MBNL3: variants seen among roughly 807,000 people sequenced by gnomAD.
MBNL3 encodes the protein muscleblind like splicing regulator 3.
In MBNL3, 6 loss-of-function variants were observed where a neutral mutation model predicts 24.5. The observed-to-expected ratio is 0.25, with a 90% CI of 0.13 to 0.48. The LOEUF (loss-of-function observed/expected upper bound fraction) is 0.48. MBNL3 is among the 20% of genes least tolerant of loss of function. The pLI is 0.99. For missense variants in MBNL3, 230 were observed against 293.5 expected, an observed-to-expected ratio of 0.78 and a Z score of 1.58; for synonymous variants, 100 against 101.7, an observed-to-expected ratio of 0.98 and a Z score of 0.10.
chrX:132,398,524 C>A (rs1297588884), intron 3 of MBNL3, among the ~76,000 whole-genome samples: 1 of 111,928 alleles, frequency 8.9e-6, no homozygotes, highest in Non-Finnish European at 1.9e-5. Flanking sequence ...TCATGAGCAT[C>A]TGTTTGTCTC....
intron 1 of MBNL3, among the ~76,000 whole-genome samples, chrX:132,484,937 A>G (rs1184414581): frequency 8.2e-5 from 9 of 109,270 alleles, no homozygotes; most frequent in Admixed American, 2.0e-4. Context: ...ACACGCGCAC[A>G]CACACACACA....
chrX:132,442,874 A>G (rs1215510632), intron 1 of MBNL3, among the ~76,000 whole-genome samples: 3 of 112,274 alleles, frequency 2.7e-5, no homozygotes, highest in Non-Finnish European at 3.8e-5. Flanking sequence ...CGGCTGACTC[A>G]GAAGAAACTA....
chrX:132,446,990 A>G (rs770508062), intron 1 of MBNL3, among the ~76,000 whole-genome samples: 1 of 111,983 alleles, frequency 8.9e-6, no homozygotes, highest in South Asian at 3.7e-4. Flanking sequence ...TCTCAATACC[A>G]TTTATTAAAT....
At chrX:132,391,476 A>G (rs1158348017) in intron 4 of MBNL3, among the ~76,000 whole-genome samples, 2 of 112,329 alleles carry the variant, frequency 1.8e-5, no homozygotes, top group Non-Finnish European at 3.8e-5. Flanking sequence ...CTTGTGAACC[A>G]TAACTGAGTT....
At chrX:132,438,279 T>G (rs1945222867) in intron 2 of MBNL3, among the ~76,000 whole-genome samples, 1 of 112,367 alleles carries the variant, frequency 8.9e-6, no homozygotes, top group Non-Finnish European at 1.9e-5. Flanking sequence ...TATCTCTTTA[T>G]GGATATGCAA....
chrX:132,488,225 G>T lies in MBNL3; in HGVS notation c.-704+626C>A, dbSNP rs188167148. Among the ~76,000 whole-genome samples the T allele has an allele frequency of 5.7e-3, 632 of 110,361 alleles. 6 individuals carry two copies. The highest frequency in any genetic ancestry group is 0.02 in the African/African-American group (594 of 30,351). On this transcript the variant is annotated intron_variant, in intron 1 of 8. Transcript: ENST00000370853. Reference sequence around the variant, plus strand: ...ATCTAGCTAGCTAGCTAGCTAGCTAGCTATCTAAGAGTGCTCAGAAAAACA... The same window carrying T: ...ATCTAGCTAGCTAGCTAGCTAGCTATCTATCTAAGAGTGCTCAGAAAAACA...
chrX:132,477,247 G>A (rs1460996949), intron 1 of MBNL3, among the ~76,000 whole-genome samples: 1 of 111,878 alleles, frequency 8.9e-6, no homozygotes, highest in African/African-American at 3.2e-5. Flanking sequence ...ACAATCAGTA[G>A]ATCTGTAAGT....
intron 1 of MBNL3, among the ~76,000 whole-genome samples, chrX:132,484,913 C>G (rs1254612047): frequency 1.9e-5 from 2 of 106,679 alleles, no homozygotes; most frequent in African/African-American, 7.3e-5. Context: ...CATACACATA[C>G]AAAGGGAGAA....
rs148841290 is a variant in MBNL3, at chrX:132,463,333, A to C, written c.-703-23019T>G. ...AAAAATTAGTTGGGCATGGTGGCTC[A>C]CGCCTGTAGTCCCAGCTACTCCGGA... On this transcript the variant is annotated intron_variant, in intron 1 of 8. Coordinates refer to ENST00000370853, the MANE Select transcript of MBNL3 (RefSeq NM_001386889.1). 9.2e-3 allele frequency among the ~76,000 whole-genome samples: 1,025 copies of C among 111,396 alleles called. 8 individuals carry two copies. Among genetic ancestry groups the C allele is most frequent in the Non-Finnish European group, 0.013 (676 of 53,048 alleles).
At chrX:132,451,988 A>G (rs1946139973) in intron 1 of MBNL3, among the ~76,000 whole-genome samples, 2 of 110,972 alleles carry the variant, frequency 1.8e-5, no homozygotes. Context: ...CTTGCCCTCC[A>G]TGGGCTGCAC....
intron 1 of MBNL3, among the ~76,000 whole-genome samples, chrX:132,471,385 A>G (rs1007981485): frequency 4.4e-5 from 5 of 113,007 alleles, no homozygotes; most frequent in African/African-American, 1.6e-4. Flanking sequence ...CAACTGCTAC[A>G]CATCTATAAT....
chrX:132,432,682 T>A (rs751176284), intron 2 of MBNL3: 1 of 111,936 alleles, frequency 8.9e-6, no homozygotes, highest in Non-Finnish European at 1.9e-5. Context: ...TTGTTCCTTT[T>A]TGTAGCTGAG....
In MBNL3 at chrX:132,439,625, T is replaced by C; in HGVS notation, c.-14A>G. The C allele has an allele frequency of 8.4e-7, 1 of 1,188,149 alleles. No individual in the cohort carries two copies. The highest frequency in any genetic ancestry group is 1.1e-6 in the Non-Finnish European group (1 of 883,919). ...GACAGCCGTCATATTGAAAGCAAAA[T>C]TAAAATCCAATGTACCCTCTTTAGG... On this transcript the variant is annotated 5_prime_UTR_variant, in exon 2 of 9. Coordinates refer to ENST00000370853, the MANE Select transcript of MBNL3 (RefSeq NM_001386889.1).
At chrX:132,449,235 G>A (rs767158009) in intron 1 of MBNL3, among the ~76,000 whole-genome samples, 4 of 111,083 alleles carry the variant, frequency 3.6e-5, no homozygotes, top group African/African-American at 1.3e-4. Flanking sequence ...TGACAGTGGG[G>A]TGTTAAAGTC....
At chrX:132,466,088 A>G (rs1224524535) in intron 1 of MBNL3, among the ~76,000 whole-genome samples, 1 of 112,466 alleles carries the variant, frequency 8.9e-6, no homozygotes, top group African/African-American at 3.2e-5. Context: ...GATCCATAAG[A>G]ATAAAATTTC....
chrX:132,399,854 C>T (rs1940556132), intron 3 of MBNL3, among the ~76,000 whole-genome samples: 1 of 109,421 alleles, frequency 9.1e-6, no homozygotes, highest in Non-Finnish European at 1.9e-5. Flanking sequence ...CAGCCTTCAC[C>T]TCATTTGTGA....
chrX:132,453,340 G>A (rs1470394236), intron 1 of MBNL3, among the ~76,000 whole-genome samples: 1 of 111,880 alleles, frequency 8.9e-6, no homozygotes, highest in African/African-American at 3.3e-5. Context: ...TCAGAGTAAA[G>A]TTCATGCACT....
intron 2 of MBNL3, among the ~76,000 whole-genome samples, chrX:132,435,488 AGT>A (rs1945068509): frequency 9.0e-6 from 1 of 111,403 alleles, no homozygotes; most frequent in Non-Finnish European, 1.9e-5. Flanking sequence ...AATAGGGATG[AGT>A]AAGTATTCAG....
rs1013234874 is a variant in MBNL3, at chrX:132,418,325, C to T, written c.178-11933G>A. ...GGCTAACTTTGTTGTGGATTTACCA[C>T]GTGCCAGGCATTGTTCAAAGTGCTT... On this transcript the variant is annotated intron_variant, in intron 2 of 8. Coordinates refer to ENST00000370853, the MANE Select transcript of MBNL3 (RefSeq NM_001386889.1). 2.7e-5 allele frequency among the ~76,000 whole-genome samples: 3 copies of T among 111,957 alleles called. 1 individual carries two copies. The highest frequency in any genetic ancestry group is 9.7e-5 in the African/African-American group (3 of 30,790).
Sources: allele counts gnomAD v4.1 joint callset (sites outside exome capture counted in the v4.1 genomes callset), GRCh38; gene constraint gnomAD v4.1.1; transcripts MANE v1.5; gene names NCBI Gene and HGNC (gene_info 2026-07-23, HGNC 2026-07-21).